The following TRIP11 variants were observed in gnomAD, a reference collection of about 807,000 sequenced individuals.
The protein encoded by TRIP11 is thyroid receptor-interacting protein 11.
In TRIP11, 148 loss-of-function variants were observed where a neutral mutation model predicts 223.1. That is an observed-to-expected ratio of 0.66 (90% CI 0.58 to 0.76). TRIP11 has a LOEUF of 0.76. TRIP11 is among the 30% of genes least tolerant of loss of function. The pLI is 0.00. For missense variants in TRIP11, 2,043 were observed against 2,222.0 expected, an observed-to-expected ratio of 0.92 and a Z score of 1.62; for synonymous variants, 762 against 772.6, an observed-to-expected ratio of 0.99 and a Z score of 0.23.
Position 92,004,894 on chromosome 14 carries a change from G to T in TRIP11, c.3082C>A (p.Arg1028=). The T allele has an allele frequency of 1.2e-6, 2 of 1,613,748 alleles. No individual in the cohort carries two copies. The highest frequency in any genetic ancestry group is 8.5e-7 in the Non-Finnish European group (1 of 1,179,968). The change falls in exon 11 of 21, where the codon CGA becomes AGA. Residue 1028 remains arginine, a synonymous_variant. Transcript: ENST00000267622. ...TTTAGAAGTTTAATCTCCAGTTCTCGCTCTTTTATTCCTTTCACTAATCTT... is the reference window on the plus strand; with the variant it reads ...TTTAGAAGTTTAATCTCCAGTTCTCTCTCTTTTATTCCTTTCACTAATCTT... ...TERLVKGIKE[R]ELEIKLLNEK...
rs60778253 is a variant in TRIP11 at position 92,029,280 on chromosome 14, A to ATTTTTTTTTTTTTTTTTT, written c.202-3878_202-3861dup. Among the ~76,000 whole-genome samples the ATTTTTTTTTTTTTTTTTT allele has an allele frequency of 2.6e-5, 2 of 76,796 alleles. 1 individual carries two copies. Among genetic ancestry groups the ATTTTTTTTTTTTTTTTTT allele is most frequent in the African/African-American group, 1.2e-4 (2 of 17,294 alleles). The allele number at this position is 76,796 out of a possible 152,430, so 50.4% of individuals were successfully genotyped here. Reference sequence around the variant, plus strand: ...TTCTGACTGCATTGCCCAAAGTATTATTTTTTTTTTTTTTTTTTTTTTTTT... The same window carrying ATTTTTTTTTTTTTTTTTT: ...TTCTGACTGCATTGCCCAAAGTATTATTTTTTTTTTTTTTTTTTTTTTTTTTTTTTTTTTTTTTTTTTT... On this transcript the variant is annotated intron_variant, in intron 2 of 20. Transcript: ENST00000267622.
chr14:91,999,462 C>T (rs747377125), intron 12 of TRIP11, 29 bp from the exon 13 acceptor site: 3 of 1,608,950 alleles, frequency 1.9e-6, no homozygotes. Flanking sequence ...TTTTCTTTTA[C>T]AAAATGCTCC....
Position 92,017,673 on chromosome 14 carries a change from T to G in TRIP11, c.657+9A>C, listed in dbSNP as rs182914589. The G allele has an allele frequency of 5.7e-5, 91 of 1,603,580 alleles. No homozygotes were observed. In the East Asian group the frequency reaches 1.9e-3, roughly 34 times the overall value. On this transcript the variant is annotated intron_variant, in intron 5 of 20. Transcript: ENST00000267622. ...ATAACTCCCATCATCAATCAACAAT[T>G]TGACTTACCTTAATGATATTTTGTA...
rs556584496 is a variant in TRIP11 at position 91,973,900 on chromosome 14, C to T, written c.5574+727G>A. ...ACTAGCTGGGCGTGGTGGTGGTGGG[C>T]GCCTGTTATCCCAGCTACTCGGGAG... On this transcript the variant is annotated intron_variant, in intron 19 of 20. Transcript: ENST00000267622. Among the ~76,000 whole-genome samples, 7 of 152,196 alleles carry T rather than the reference C, an allele frequency of 4.6e-5. No homozygotes were observed. The South Asian group carries it at 6.2e-4, about 14-fold the overall frequency.
In TRIP11 at chr14:92,007,846, GTTC is replaced by G. The variant is rs1431719670; in HGVS notation, c.1318_1320del (p.Glu440del). 6.2e-7 allele frequency: 1 copy of G among 1,606,098 alleles called. No homozygotes were observed. The highest frequency in any genetic ancestry group is 1.3e-5 in the African/African-American group (1 of 74,818). On this transcript the variant is annotated inframe_deletion, in exon 10 of 21. Coordinates refer to ENST00000267622, the MANE Select transcript of TRIP11 (RefSeq NM_004239.4). The stretch of plus-strand genomic sequence containing the variant: ...TTCAATTTTAAAAGTGACATCTGAA[GTTC>G]TTCCTGAAATGATAAAAGGAAAAAA...
rs1566863804 is a variant in TRIP11, at chr14:92,011,082, T to C, written c.1228-10A>G. The stretch of plus-strand genomic sequence containing the variant: ...CAGCAAGACTGTTATCCTACAAAAA[T>C]GTTAAAGCAGTGTTTTCAGGTAACA... On this transcript the variant is annotated splice_polypyrimidine_tract_variant and intron_variant, in intron 8 of 20. Transcript: ENST00000267622. 7 of 1,613,304 alleles carry C rather than the reference T, an allele frequency of 4.3e-6. No individual in the cohort carries two copies. The highest frequency in any genetic ancestry group is 4.2e-6 in the Non-Finnish European group (5 of 1,179,360).
At chr14:91,973,850 C>T (rs2140081686) in intron 19 of TRIP11, among the ~76,000 whole-genome samples, 1 of 152,166 alleles carries the variant, frequency 6.6e-6, no homozygotes, top group East Asian at 1.9e-4. Flanking sequence ...CATGGTGAAA[C>T]CCAGTCTCCA....
At chr14:92,011,818 T>G (rs771923900) in intron 7 of TRIP11, 23 bp from the exon 8 acceptor site, 3 of 1,607,790 alleles carry the variant, frequency 1.9e-6, no homozygotes, top group Non-Finnish European at 2.6e-6. Flanking sequence ...CAAATGAACT[T>G]GACATTAAAA....
chr14:91,980,773 A>G (rs1377465967), intron 16 of TRIP11, among the ~76,000 whole-genome samples: 1 of 151,856 alleles, frequency 6.6e-6, no homozygotes, highest in East Asian at 1.9e-4. Flanking sequence ...TCACATACAT[A>G]TATATATGTC....
At chr14:92,029,280 ATTTTTTTTTTTTTTTTTT>A (rs60778253) in intron 2 of TRIP11, among the ~76,000 whole-genome samples, 4 of 76,762 alleles carry the variant, frequency 5.2e-5, no homozygotes, top group African/African-American at 1.2e-4. Context: ...CCAAAGTATT[ATTTTTTTTTTTTTTTTTT>A]TTTTTTTTTT....
intron 13 of TRIP11, 114 bp downstream of exon 13, chr14:91,999,126 T>C (rs1457401542): frequency 9.9e-6 from 12 of 1,210,948 alleles, no homozygotes; most frequent in East Asian, 2.5e-5. Flanking sequence ...TCTTCATCCA[T>C]AAAATACAGA....
At chr14:91,990,387 T>C (rs1032673576) in intron 15 of TRIP11, among the ~76,000 whole-genome samples, 2 of 152,258 alleles carry the variant, frequency 1.3e-5, no homozygotes, top group Non-Finnish European at 2.9e-5. Context: ...GTTTGGTTTT[T>C]ATTTCATTAA....
At chr14:91,994,730 G>C (rs2056726618) in intron 14 of TRIP11, among the ~76,000 whole-genome samples, 1 of 152,172 alleles carries the variant, frequency 6.6e-6, no homozygotes, top group African/African-American at 2.4e-5. Context: ...TAAACAAATG[G>C]ATGGATGAAT....
At chr14:91,997,909 G>C (rs938420406) in intron 13 of TRIP11, among the ~76,000 whole-genome samples, 34 of 152,050 alleles carry the variant, frequency 2.2e-4, no homozygotes, top group African/African-American at 8.0e-4. Flanking sequence ...AGAAAATAAG[G>C]GCTTGAAAAG....
At chr14:92,029,761 T>C (rs1236844526) in intron 2 of TRIP11, among the ~76,000 whole-genome samples, 1 of 152,244 alleles carries the variant, frequency 6.6e-6, no homozygotes. Flanking sequence ...ACATTCACAA[T>C]TATTAGACAA....
chr14:91,997,202 T>C (rs2140107712), intron 13 of TRIP11, among the ~76,000 whole-genome samples: 1 of 152,318 alleles, frequency 6.6e-6, no homozygotes, highest in East Asian at 1.9e-4. Flanking sequence ...TAGAAGTTAA[T>C]AAATACCAGG....
chr14:91,999,883 C>G (rs1339653844), intron 12 of TRIP11, 85 bp downstream of exon 12: 7 of 1,556,738 alleles, frequency 4.5e-6, no homozygotes, highest in Non-Finnish European at 5.3e-6. Flanking sequence ...CAGAGAAATT[C>G]ATTTTCACTG....
At position 92,015,492 on chromosome 14, in the gene TRIP11, C is replaced by T. The variant is rs74915962; in HGVS notation, c.823+204G>A. ...TGGCCAATATGGCGAAACCCTATTG[C>T]TACTAAAAATACAAAAATTAGCTGG... On this transcript the variant is annotated intron_variant, in intron 6 of 20. Transcript: ENST00000267622. Among the ~76,000 whole-genome samples the T allele has an allele frequency of 0.013, 1,986 of 151,832 alleles. 28 individuals carry two copies. The highest frequency in any genetic ancestry group is 0.045 in the African/African-American group (1,858 of 41,404).
At chr14:92,018,809 A>T (rs1190739621) in intron 4 of TRIP11, among the ~76,000 whole-genome samples, 1 of 151,860 alleles carries the variant, frequency 6.6e-6, no homozygotes, top group African/African-American at 2.4e-5. Context: ...TACAAAAAAA[A>T]AATTAGCTGG....
Sources: allele counts gnomAD v4.1 joint callset (sites outside exome capture counted in the v4.1 genomes callset), GRCh38; gene constraint gnomAD v4.1.1; transcripts MANE v1.5; gene names NCBI Gene and HGNC (gene_info 2026-07-23, HGNC 2026-07-21).